The following FGF14 variants were observed in gnomAD, a reference collection of about 807,000 sequenced individuals.
FGF14 encodes the protein fibroblast growth factor homologous factor 4.
In FGF14, 5 loss-of-function variants were observed where a neutral mutation model predicts 25.5. The ratio of observed to expected loss-of-function variants is 0.20; its 90% CI spans 0.10 to 0.41. The LOEUF is 0.41. Among genes scored for constraint, FGF14 ranks in the 10% least tolerant of loss-of-function variants. FGF14 has a pLI of 1.00. For synonymous variants in FGF14, 138 were observed against 118.3 expected, an observed-to-expected ratio of 1.17 and a Z score of -1.08; for missense variants, 222 against 320.1, an observed-to-expected ratio of 0.69 and a Z score of 2.34.
chr13:102,053,762 G>T (rs1316166718), intron 1 of FGF14, among the ~76,000 whole-genome samples: 1 of 152,078 alleles, frequency 6.6e-6, no homozygotes, highest in African/African-American at 2.4e-5. Context: ...TAATGGCTTA[G>T]AACTTGTACT....
intron 1 of FGF14, among the ~76,000 whole-genome samples, chr13:101,939,852 T>C (rs2035330248): frequency 6.6e-6 from 1 of 152,178 alleles, no homozygotes; most frequent in East Asian, 1.9e-4. Context: ...AGAAATGGCA[T>C]GCTTTAGAAA....
chr13:102,385,550 C>T (rs2058282751), intron 1 of FGF14, among the ~76,000 whole-genome samples: 2 of 152,230 alleles, frequency 1.3e-5, no homozygotes, highest in South Asian at 4.1e-4. Flanking sequence ...TCAACAAAAG[C>T]TACTTGAAAG....
At chr13:102,366,198 G>A (rs1451717438) in intron 1 of FGF14, among the ~76,000 whole-genome samples, 1 of 152,082 alleles carries the variant, frequency 6.6e-6, no homozygotes, top group Non-Finnish European at 1.5e-5. Context: ...ATAGACTACT[G>A]ACTCGTACCC....
intron 1 of FGF14, among the ~76,000 whole-genome samples, chr13:102,257,482 G>C (rs1175469066): frequency 1.3e-5 from 2 of 149,836 alleles, no homozygotes; most frequent in East Asian, 4.0e-4. Context: ...AGCCTGAGTA[G>C]TTGGGACTAT....
At chr13:101,918,835 A>C (rs1453029090), upstream of FGF14, among the ~76,000 whole-genome samples, 1 of 152,250 alleles carries the variant, frequency 6.6e-6, no homozygotes, top group Non-Finnish European at 1.5e-5. Context: ...TATATTACAA[A>C]GTGTACTTCT....
chr13:101,907,644 A>G (rs1369149615), intron 1 of FGF14, among the ~76,000 whole-genome samples: 1 of 152,168 alleles, frequency 6.6e-6, no homozygotes, highest in Non-Finnish European at 1.5e-5. Flanking sequence ...TCTTTCAAAG[A>G]GTTTTGCCAG....
At chr13:102,319,094 G>C (rs1446887123) in intron 1 of FGF14, among the ~76,000 whole-genome samples, 4 of 152,162 alleles carry the variant, frequency 2.6e-5, no homozygotes, top group Non-Finnish European at 5.9e-5. Flanking sequence ...ACAGCAGAAG[G>C]CTCTGAATTT....
chr13:102,161,629 A>G (rs1156235347), intron 1 of FGF14, among the ~76,000 whole-genome samples: 20 of 8,546 alleles, frequency 2.3e-3, no homozygotes, highest in South Asian at 5.1e-3. Context: ...GAAGAAGAAG[A>G]AGAAGAAGAA....
rs201498757 is a variant in FGF14, at chr13:101,722,988, G to A, written c.608-21C>T. 3.7e-6 allele frequency: 6 copies of A among 1,612,994 alleles called. No individual in the cohort carries two copies. In the African/African-American group the frequency reaches 8.0e-5, roughly 22 times the overall value. ...GGCAACTAGTGATGGGAAGAAAGGA[G>A]GAGGAAAAGCAAACATTGCTTGGTT... On this transcript the variant is annotated intron_variant, in intron 4 of 4. Coordinates refer to ENST00000376143, the MANE Select transcript of FGF14 (RefSeq NM_004115.4).
rs991188657 is a variant in FGF14, at chr13:102,159,186, C to T, written c.208+242285G>A. On this transcript the variant is annotated intron_variant, in intron 1 of 4. Coordinates refer to the FGF14 transcript ENST00000376131. ...AAGAAAAGAAAATTCAAGGGGTTCACCTTCTGTTTTTACATGAACATATGA... is the reference window on the plus strand; with the variant it reads ...AAGAAAAGAAAATTCAAGGGGTTCATCTTCTGTTTTTACATGAACATATGA... Among the ~76,000 whole-genome samples, 3 of 149,850 alleles carry T rather than the reference C, an allele frequency of 2.0e-5. No individual in the cohort carries two copies. In the South Asian group the frequency reaches 6.4e-4, roughly 32 times the overall value.
chr13:101,839,547 G>C (rs111328865), intron 3 of FGF14, among the ~76,000 whole-genome samples: 7 of 151,940 alleles, frequency 4.6e-5, no homozygotes, highest in African/African-American at 1.4e-4. Context: ...AATTTTTGTG[G>C]GTAAATAGTA....
intron 1 of FGF14, among the ~76,000 whole-genome samples, chr13:102,177,307 G>A (rs890233955): frequency 2.0e-5 from 3 of 152,112 alleles, no homozygotes; most frequent in African/African-American, 7.2e-5. Flanking sequence ...AGATCCCTCT[G>A]GAAGCTACAC....
upstream of FGF14, among the ~76,000 whole-genome samples, chr13:101,920,463 A>C (rs1485946664): frequency 6.6e-6 from 1 of 152,166 alleles, no homozygotes; most frequent in Non-Finnish European, 1.5e-5. Flanking sequence ...ATTGAGGTGA[A>C]AACAGAGCCT....
At chr13:101,940,248 T>C (rs748816591) in intron 1 of FGF14, among the ~76,000 whole-genome samples, 1 of 152,094 alleles carries the variant, frequency 6.6e-6, no homozygotes, top group Non-Finnish European at 1.5e-5. Flanking sequence ...TGAAGAACAG[T>C]GTTTTAAAAG....
chr13:102,200,185 G>A (rs903670762), intron 1 of FGF14, among the ~76,000 whole-genome samples: 6 of 151,962 alleles, frequency 3.9e-5, no homozygotes, highest in Admixed American at 1.3e-4. Flanking sequence ...ATATTTATAT[G>A]CATATACTTT....
chr13:102,377,763 G>C (rs993881095), intron 1 of FGF14, among the ~76,000 whole-genome samples: 1 of 152,160 alleles, frequency 6.6e-6, no homozygotes, highest in Non-Finnish European at 1.5e-5. Flanking sequence ...AGCTGAAATC[G>C]TGCCATTGCA....
rs529527966 is a variant in FGF14 at position 101,826,802 on chromosome 13, C to A, written c.408+41923G>T. On this transcript the variant is annotated intron_variant, in intron 3 of 4. Coordinates refer to ENST00000376143, the MANE Select transcript of FGF14 (RefSeq NM_004115.4). The stretch of plus-strand genomic sequence containing the variant: ...TAACAGACGTCTGCAAATATTTTTA[C>A]AATATGTATAATTCTAATGTATTGA... Among the ~76,000 whole-genome samples the A allele has an allele frequency of 1.9e-3, 288 of 151,934 alleles. 3 individuals carry two copies. Among genetic ancestry groups the A allele is most frequent in the African/African-American group, 6.4e-3 (265 of 41,486 alleles).
At chr13:101,999,124 C>A (rs1464958086) in intron 1 of FGF14, among the ~76,000 whole-genome samples, 1 of 152,102 alleles carries the variant, frequency 6.6e-6, no homozygotes, top group Non-Finnish European at 1.5e-5. Context: ...AATGAGAAAA[C>A]CTCAACCTTA....
chr13:102,194,390 G>T (rs1411898783), intron 1 of FGF14, among the ~76,000 whole-genome samples: 1 of 151,546 alleles, frequency 6.6e-6, no homozygotes, highest in Admixed American at 6.6e-5. Context: ...TAGGTATTAA[G>T]CCCCACATGC....
Sources: gnomAD v4.1 joint callset for allele counts (sites outside exome capture counted in the v4.1 genomes callset) on GRCh38, gnomAD v4.1.1 for gene constraint, MANE v1.5 for transcripts, NCBI Gene and HGNC (gene_info 2026-07-23, HGNC 2026-07-21) for gene names.